Variants in DSTYK observed in about 807,000 individuals in gnomAD.
DSTYK encodes the protein RIP-homologous kinase.
DSTYK carries 34 observed loss-of-function variants against 98.7 expected under a neutral mutation model. The ratio of observed to expected loss-of-function variants is 0.34; its 90% confidence interval spans 0.26 to 0.46. The LOEUF (loss-of-function observed/expected upper bound fraction) is 0.46. DSTYK is among the 20% of genes least tolerant of loss of function. DSTYK has a pLI of 1.00. For missense variants in DSTYK, 962 were observed against 1,181.7 expected (o/e 0.81, Z 2.73); for synonymous variants, 462 against 457.3 (o/e 1.01, Z -0.13).
At chr1:205,194,098 A>C (rs1056056011) in intron 1 of DSTYK, among the ~76,000 whole-genome samples, 1 of 152,218 alleles carries the variant, frequency 6.6e-6, no homozygotes, top group Non-Finnish European at 1.5e-5. Context: ...CTACTGTCCA[A>C]TCACTTTCTA....
At chr1:205,210,724 C>CA (rs1659345350) in intron 1 of DSTYK, among the ~76,000 whole-genome samples, 1 of 152,240 alleles carries the variant, frequency 6.6e-6, no homozygotes, top group Non-Finnish European at 1.5e-5. Flanking sequence ...TGGCGACCCC[C>CA]AACCCTATTT....
intron 1 of DSTYK, among the ~76,000 whole-genome samples, chr1:205,211,025 G>A (rs1298493185): frequency 2.2e-4 from 33 of 152,174 alleles, no homozygotes; most frequent in Admixed American, 2.2e-3. Context: ...CCCGCTCCGG[G>A]AACTCCGGCC....
intron 2 of DSTYK, among the ~76,000 whole-genome samples, chr1:205,181,487 T>C (rs1658394560): frequency 6.6e-6 from 1 of 152,042 alleles, no homozygotes. Context: ...CCTGAGTAGC[T>C]GGGGTTACAG....
At chr1:205,168,791 G>C (rs1043754222) in intron 3 of DSTYK, among the ~76,000 whole-genome samples, 1 of 152,184 alleles carries the variant, frequency 6.6e-6, no homozygotes, top group Non-Finnish European at 1.5e-5. Context: ...CCAATAAAGA[G>C]GCATGAGCCA....
chr1:205,195,655 T>A (rs190993525), intron 1 of DSTYK, among the ~76,000 whole-genome samples: 1 of 152,306 alleles, frequency 6.6e-6, no homozygotes, highest in East Asian at 1.9e-4. Context: ...CTCGCTGGAA[T>A]CGGAAAAGTC....
intron 1 of DSTYK, among the ~76,000 whole-genome samples, chr1:205,209,171 T>G (rs1659291128): frequency 6.6e-6 from 1 of 152,192 alleles, no homozygotes; most frequent in African/African-American, 2.4e-5. Context: ...CAAAGTGCCT[T>G]GAAAACCTCC....
intron 2 of DSTYK, among the ~76,000 whole-genome samples, chr1:205,170,408 C>G (rs1423526146): frequency 2.0e-5 from 3 of 152,166 alleles, no homozygotes; most frequent in Admixed American, 6.5e-5. Context: ...TATTTATAAT[C>G]CACTTCTTTA....
chr1:205,161,494 A>G, intron 6 of DSTYK, 107 bp from the exon 7 acceptor site: 4 of 1,145,372 alleles, frequency 3.5e-6, no homozygotes, highest in Non-Finnish European at 2.5e-6. Flanking sequence ...AATTGTGAGA[A>G]TTAAACAAGA....
At chr1:205,176,666 C>T (rs910466787) in intron 2 of DSTYK, among the ~76,000 whole-genome samples, 1 of 151,098 alleles carries the variant, frequency 6.6e-6, no homozygotes, top group Non-Finnish European at 1.5e-5. Context: ...GGTCTTAAAA[C>T]TCCTGAGCTC....
In DSTYK at chr1:205,146,462, G is replaced by A. The variant is rs1028073969; in HGVS notation, c.*1096C>T. On this transcript the variant is annotated 3_prime_UTR_variant, in exon 13 of 13. Coordinates refer to ENST00000367162, the MANE Select transcript of DSTYK (RefSeq NM_015375.3). ...GGTAAAAGAACAGATTCTGTTCTGG[G>A]GTTAGCAGTAACTCTAAATCCAATA... 2 of 152,070 alleles carry A rather than the reference G, an allele frequency of 1.3e-5. No homozygotes were observed. The highest frequency in any genetic ancestry group is 6.5e-5 in the Admixed American group (1 of 15,268). The allele number at this position is 152,070 out of a possible 1,614,324, so 9.4% of individuals were successfully genotyped here. A position where few individuals can be genotyped will look rare whatever the true frequency, so the allele number is the denominator to read the frequency against.
At chr1:205,191,646 T>C (rs957214378) in intron 1 of DSTYK, among the ~76,000 whole-genome samples, 2 of 152,174 alleles carry the variant, frequency 1.3e-5, no homozygotes, top group Non-Finnish European at 2.9e-5. Flanking sequence ...TGAATTTAAT[T>C]ACGCAAGTGC....
intron 1 of DSTYK, among the ~76,000 whole-genome samples, chr1:205,205,023 G>A (rs1659158655): frequency 6.6e-6 from 1 of 152,082 alleles, no homozygotes; most frequent in Non-Finnish European, 1.5e-5. Context: ...TTCCATGAGG[G>A]AAGAAAATTA....
At chr1:205,162,845 T>G in intron 5 of DSTYK, 78 bp downstream of exon 5, 1 of 1,090,500 alleles carries the variant, frequency 9.2e-7, no homozygotes. Flanking sequence ...CCTAGATATC[T>G]GTTTCCTACT....
Position 205,191,893 on chromosome 1 carries a change from C to T in DSTYK, c.266-4087G>A, listed in dbSNP as rs115379365. Among the ~76,000 whole-genome samples the T allele has an allele frequency of 4.3e-3, 655 of 152,246 alleles. 7 individuals are homozygous for T. The highest frequency in any genetic ancestry group is 0.015 in the African/African-American group (612 of 41,526). ...TAATACAACAGCATCTGCATATGGG[C>T]TGCCAGAAGGTAACAGCATGGCTTC... On this transcript the variant is annotated intron_variant, in intron 1 of 12. Transcript: ENST00000367162.
chr1:205,203,071 C>T (rs1002099604), intron 1 of DSTYK, among the ~76,000 whole-genome samples: 3 of 152,074 alleles, frequency 2.0e-5, no homozygotes, highest in Non-Finnish European at 2.9e-5. Flanking sequence ...AAATCCATGC[C>T]TTCTGTAAAA....
chr1:205,196,977 C>G (rs1658886012), intron 1 of DSTYK, among the ~76,000 whole-genome samples: 1 of 151,338 alleles, frequency 6.6e-6, no homozygotes, highest in South Asian at 2.1e-4. Context: ...AGTGGCCAGG[C>G]TGGTCTTGAA....
Position 205,147,462 on chromosome 1 carries a change from G to A in DSTYK, c.*96C>T. The A allele has an allele frequency of 7.4e-7, 1 of 1,351,484 alleles. No individual in the cohort carries two copies. The highest frequency in any genetic ancestry group is 1.0e-6 in the Non-Finnish European group (1 of 984,468). 83.7% of individuals were successfully genotyped at this position (1,351,484 alleles called of 1,614,324 possible). A position where few individuals can be genotyped will look rare whatever the true frequency, so the allele number is the denominator to read the frequency against. On this transcript the variant is annotated 3_prime_UTR_variant, in exon 13 of 13. Coordinates refer to ENST00000367162, the MANE Select transcript of DSTYK (RefSeq NM_015375.3). Reference sequence around the variant, plus strand: ...CCAGCAAGCACCAGTTCCCTTGGGAGTGTGTCCTATAGTGAATAAATGTCA... The same window carrying A: ...CCAGCAAGCACCAGTTCCCTTGGGAATGTGTCCTATAGTGAATAAATGTCA...
intron 7 of DSTYK, 96 bp downstream of exon 7, chr1:205,161,162 A>G: frequency 6.8e-7 from 1 of 1,476,454 alleles, no homozygotes; most frequent in African/African-American, 1.4e-5. Flanking sequence ...TTTGCAAAGA[A>G]GCAGCTTTAG....
chr1:205,166,794 A>G (rs779243518), intron 3 of DSTYK, among the ~76,000 whole-genome samples: 1 of 152,200 alleles, frequency 6.6e-6, no homozygotes, highest in Non-Finnish European at 1.5e-5. Flanking sequence ...AAATCAGGCA[A>G]CCTATGTTTG....
Sources: allele counts gnomAD v4.1 joint callset (sites outside exome capture counted in the v4.1 genomes callset), GRCh38; gene constraint gnomAD v4.1.1; transcripts MANE v1.5; gene names NCBI Gene and HGNC (gene_info 2026-07-23, HGNC 2026-07-21).